The following HIVEP3 variants were observed in gnomAD, a reference collection of about 807,000 sequenced individuals.
The protein encoded by HIVEP3 is HIVEP zinc finger 3, also known as transcription factor HIVEP3.
In HIVEP3, 49 loss-of-function variants were observed where a neutral mutation model predicts 152.8. The observed-to-expected ratio is 0.32, with a 90% CI of 0.26 to 0.41. The LOEUF (loss-of-function observed/expected upper bound fraction) is 0.41, where lower values mean the gene tolerates loss of function less well. Among genes scored for constraint, HIVEP3 ranks in the 10% least tolerant of loss-of-function variants. The pLI is 1.00. For missense variants in HIVEP3, 2,790 were observed against 3,103.3 expected, an observed-to-expected ratio of 0.90 and a Z score of 2.40; for synonymous variants, 1,269 against 1,289.0, an observed-to-expected ratio of 0.98 and a Z score of 0.33.
chr1:41,657,363 C>T (rs1645644183), intron 2 of HIVEP3, among the ~76,000 whole-genome samples: 2 of 152,150 alleles, frequency 1.3e-5, no homozygotes, highest in African/African-American at 4.8e-5. Flanking sequence ...GCCCTGGTCC[C>T]CATTCAGCCC....
chr1:41,817,627 T>C (rs780911325), intron 1 of HIVEP3, among the ~76,000 whole-genome samples: 30 of 152,196 alleles, frequency 2.0e-4, no homozygotes, highest in Non-Finnish European at 4.3e-4. Context: ...TTTAGAGGTA[T>C]GTTTAACTTC....
chr1:41,794,410 C>A (rs1299515444), intron 1 of HIVEP3, among the ~76,000 whole-genome samples: 1 of 152,140 alleles, frequency 6.6e-6, no homozygotes, highest in Non-Finnish European at 1.5e-5. Context: ...CATAGTAGAT[C>A]CTTATCCATA....
chr1:41,530,891 A>G (rs1643224893), intron 5 of HIVEP3, among the ~76,000 whole-genome samples: 1 of 152,232 alleles, frequency 6.6e-6, no homozygotes, highest in Non-Finnish European at 1.5e-5. Context: ...TGAGCCTTCA[A>G]GGTTGGTGCC....
chr1:41,520,950 C>T (rs897008596), intron 6 of HIVEP3, among the ~76,000 whole-genome samples: 2 of 152,184 alleles, frequency 1.3e-5, no homozygotes, highest in Non-Finnish European at 2.9e-5. Context: ...TCCACAGTCA[C>T]AGTGCTGGTT....
chr1:41,794,680 T>C (rs935561132), intron 1 of HIVEP3, among the ~76,000 whole-genome samples: 2 of 152,254 alleles, frequency 1.3e-5, no homozygotes, highest in African/African-American at 4.8e-5. Flanking sequence ...CTCATTATTG[T>C]AACTTGCCTT....
chr1:41,865,336 C>T (rs1209274403), intron 1 of HIVEP3, among the ~76,000 whole-genome samples: 1 of 152,188 alleles, frequency 6.6e-6, no homozygotes, highest in Non-Finnish European at 1.5e-5. Flanking sequence ...GCCCACCTGT[C>T]AAATGCCATT....
intron 2 of HIVEP3, among the ~76,000 whole-genome samples, chr1:41,659,482 TGCCCAGG>T (rs1325537082): frequency 6.6e-6 from 1 of 152,234 alleles, no homozygotes; most frequent in Non-Finnish European, 1.5e-5. Context: ...CCTAGAATGG[TGCCCAGG>T]GCCCAGCAGG....
intron 1 of HIVEP3, among the ~76,000 whole-genome samples, chr1:41,884,324 T>C (rs753560987): frequency 3.5e-4 from 53 of 152,292 alleles, no homozygotes; most frequent in South Asian, 1.2e-3. Flanking sequence ...GTCTTTAAAA[T>C]GGTGTTGCAC....
At chr1:41,876,294 T>C (rs868275861) in intron 1 of HIVEP3, among the ~76,000 whole-genome samples, 43 of 152,238 alleles carry the variant, frequency 2.8e-4, no homozygotes, top group Middle Eastern at 3.4e-3. Context: ...GGCAAAGAGA[T>C]AGGTGAAGAT....
chr1:41,713,785 A>T (rs970725172), intron 1 of HIVEP3, among the ~76,000 whole-genome samples: 1 of 152,078 alleles, frequency 6.6e-6, no homozygotes, highest in African/African-American at 2.4e-5. Flanking sequence ...TTGGCTTTCT[A>T]TTGTTTTAAG....
intron 7 of HIVEP3, among the ~76,000 whole-genome samples, chr1:41,517,257 C>T (rs574915418): frequency 1.1e-4 from 16 of 152,294 alleles, no homozygotes; most frequent in African/African-American, 3.6e-4. Flanking sequence ...TGACCTTGGG[C>T]TATTTTTACC....
At chr1:41,600,277 A>G (rs1044230844) in intron 3 of HIVEP3, among the ~76,000 whole-genome samples, 33 of 152,238 alleles carry the variant, frequency 2.2e-4, no homozygotes, top group African/African-American at 8.0e-4. Flanking sequence ...CTATGTTCAT[A>G]GCGGCATGAT....
chr1:41,626,991 A>G (rs1300284944), intron 3 of HIVEP3, among the ~76,000 whole-genome samples: 3 of 152,192 alleles, frequency 2.0e-5, no homozygotes, highest in Non-Finnish European at 4.4e-5. Context: ...GGGCAACAGG[A>G]CCAGACTCAC....
At chr1:41,956,139 G>C (rs1159378365) in intron 1 of HIVEP3, among the ~76,000 whole-genome samples, 1 of 152,176 alleles carries the variant, frequency 6.6e-6, no homozygotes, top group East Asian at 1.9e-4. Flanking sequence ...GTTTCTTATA[G>C]CAAATTATAA....
At chr1:41,686,863 G>T (rs1388015715) in intron 2 of HIVEP3, among the ~76,000 whole-genome samples, 2 of 152,206 alleles carry the variant, frequency 1.3e-5, no homozygotes, top group Non-Finnish European at 2.9e-5. Context: ...CAGGAGCATG[G>T]TAAGAATGGA....
At chr1:41,925,830 A>G (rs1210413979) in intron 1 of HIVEP3, among the ~76,000 whole-genome samples, 2 of 152,156 alleles carry the variant, frequency 1.3e-5, no homozygotes, top group African/African-American at 4.8e-5. Flanking sequence ...CTTAGTAATA[A>G]AATTCTTAGC....
chr1:41,836,104 A>T (rs554644661), intron 1 of HIVEP3, among the ~76,000 whole-genome samples: 28 of 152,326 alleles, frequency 1.8e-4, no homozygotes, highest in Non-Finnish European at 2.8e-4. Context: ...GCATGTTTTG[A>T]GTCCCATGAT....
intron 2 of HIVEP3, among the ~76,000 whole-genome samples, chr1:41,643,444 G>C (rs1284363271): frequency 3.3e-5 from 5 of 152,244 alleles, no homozygotes; most frequent in African/African-American, 1.2e-4. Flanking sequence ...AGCCTGCTGT[G>C]AAAGCATGCT....
chr1:41,556,351 T>C (rs1357717357), intron 5 of HIVEP3, among the ~76,000 whole-genome samples: 1 of 152,258 alleles, frequency 6.6e-6, no homozygotes, highest in Non-Finnish European at 1.5e-5. Flanking sequence ...TCATTGTAGT[T>C]TGGACTTTTA....
Sources: allele counts gnomAD v4.1 joint callset (sites outside exome capture counted in the v4.1 genomes callset), GRCh38; gene constraint gnomAD v4.1.1; transcripts MANE v1.5; gene names NCBI Gene and HGNC (gene_info 2026-07-23, HGNC 2026-07-21).